SPAG9: variants seen among roughly 807,000 people sequenced by gnomAD.
SPAG9 encodes the protein sperm associated antigen 9, also known as C-Jun-amino-terminal kinase-interacting protein 4.
Under a neutral mutation model 166.5 loss-of-function variants are expected in SPAG9, and 35 were observed. The observed-to-expected ratio is 0.21, with a 90% CI of 0.16 to 0.28. The LOEUF (loss-of-function observed/expected upper bound fraction) is 0.28. SPAG9 is among the 10% of genes least tolerant of loss of function. SPAG9 has a pLI of 1.00. For missense variants in SPAG9, 1,235 were observed against 1,603.3 expected, an observed-to-expected ratio of 0.77 and a Z score of 3.92; for synonymous variants, 534 against 565.5, an observed-to-expected ratio of 0.94 and a Z score of 0.79.
chr17:50,989,890 C>T lies in SPAG9; in HGVS notation c.2618-18G>A, dbSNP rs909192228. On this transcript the variant is annotated intron_variant, in intron 20 of 29. Coordinates refer to ENST00000262013, the MANE Select transcript of SPAG9 (RefSeq NM_001130528.3). ...TTCCATTTCTACAAAGTAAATAAAA[C>T]ACTATTCCAAGTCTGGGCTTTTCTC... The T allele has an allele frequency of 5.0e-6, 8 of 1,609,610 alleles. No homozygotes were observed. In the African/African-American group the frequency reaches 1.1e-4, roughly 22 times the overall value.
chr17:51,006,120 C>A lies in SPAG9; in HGVS notation c.1389G>T (p.Glu463Asp). The A allele has an allele frequency of 6.2e-7, 1 of 1,614,180 alleles. No individual in the cohort carries two copies. The highest frequency in any genetic ancestry group is 8.5e-7 in the Non-Finnish European group (1 of 1,180,016). Residue 463 changes from glutamate (E) to aspartate (D), a missense_variant, in exon 11 of 30, where the codon GAG (glutamate) becomes GAT (aspartate). Around this residue, in one of 6 missense-constraint regions of SPAG9, gnomAD observed 125 missense variants for 194.0 expected, o/e 0.64. Transcript: ENST00000262013. Reference protein sequence around the residue: ...EAVKQAKLKLEEKNRELEEEL... With the variant: ...EAVKQAKLKLDEKNRELEEEL... ...CTTCCTCCAATTCTCTGTTCTTTTC[C>A]TCTAGTTTCAGTTTGGCTTGCTTCA...
chr17:50,992,690 A>C (rs146172381), intron 19 of SPAG9, among the ~76,000 whole-genome samples: 18 of 152,208 alleles, frequency 1.2e-4, no homozygotes, highest in African/African-American at 4.1e-4. Flanking sequence ...AAAAAAACAA[A>C]AACAAAAATG....
At chr17:51,023,868 G>A (rs937097261) in intron 6 of SPAG9, among the ~76,000 whole-genome samples, 1 of 152,170 alleles carries the variant, frequency 6.6e-6, no homozygotes, top group African/African-American at 2.4e-5. Context: ...GTTTTGCCAC[G>A]CTGCCCAGGC....
chr17:50,982,699 A>G (rs761740482), intron 24 of SPAG9, 27 bp from the exon 25 acceptor site: 7 of 1,574,498 alleles, frequency 4.4e-6, no homozygotes, highest in South Asian at 2.3e-5. Flanking sequence ...AGGTTATAGT[A>G]AATACATACC....
intron 10 of SPAG9, among the ~76,000 whole-genome samples, chr17:51,006,880 T>A (rs950759793): frequency 2.0e-5 from 3 of 151,876 alleles, no homozygotes; most frequent in African/African-American, 7.3e-5. Flanking sequence ...GAAGGCTGAG[T>A]ATACATGAAA....
intron 2 of SPAG9, among the ~76,000 whole-genome samples, chr17:51,077,013 G>GCTATCTATCTAGCTAGCTATCTAT (rs1491314541): frequency 1.6e-5 from 1 of 62,864 alleles, no homozygotes; most frequent in Admixed American, 1.7e-4. Flanking sequence ...TAGCTAGCTA[G>GCTATCTATCTAGCTAGCTATCTAT]CTAGCTATCT....
At chr17:50,997,939 CTT>C (rs989359158) in intron 15 of SPAG9, among the ~76,000 whole-genome samples, 1 of 148,792 alleles carries the variant, frequency 6.7e-6, no homozygotes, top group Non-Finnish European at 1.5e-5. Flanking sequence ...AAATCCTTCT[CTT>C]TTATAAAAAC....
At chr17:51,090,484 C>G (rs2048435756) in intron 1 of SPAG9, among the ~76,000 whole-genome samples, 1 of 152,004 alleles carries the variant, frequency 6.6e-6, no homozygotes, top group Non-Finnish European at 1.5e-5. Context: ...CCAGCCTGGG[C>G]AACAGAGCAA....
At chr17:51,005,382 A>T (rs969540648) in intron 11 of SPAG9, 119 bp from the exon 12 acceptor site, 5 of 905,176 alleles carry the variant, frequency 5.5e-6, no homozygotes, top group Non-Finnish European at 8.5e-6. Flanking sequence ...TTTCCCAAAC[A>T]GGGTATTTAG....
intron 9 of SPAG9, among the ~76,000 whole-genome samples, chr17:51,010,569 A>G (rs1008730307): frequency 5.8e-5 from 4 of 69,220 alleles, no homozygotes; most frequent in African/African-American, 1.7e-4. Context: ...GCAAGAAAAG[A>G]AAAAAAAAAA....
chr17:50,996,006 T>A (rs1258270027), intron 16 of SPAG9: 1 of 160,106 alleles, frequency 6.2e-6, no homozygotes, highest in African/African-American at 2.4e-5. Flanking sequence ...CCATTCTTAT[T>A]TGAAAAACAG....
intron 23 of SPAG9, among the ~76,000 whole-genome samples, chr17:50,985,431 CT>C (rs1185437697): frequency 1.3e-5 from 2 of 152,142 alleles, no homozygotes; most frequent in Non-Finnish European, 2.9e-5. Context: ...ATAAACATAA[CT>C]TAATAGGTAT....
chr17:50,962,447 G>T lies in SPAG9; in HGVS notation c.*3825C>A, dbSNP rs1444896058. The T allele has an allele frequency of 1.3e-5, 2 of 152,202 alleles. No homozygotes were observed. Among genetic ancestry groups the T allele is most frequent in the African/African-American group, 4.8e-5 (2 of 41,454 alleles). 9.4% of individuals were successfully genotyped at this position (152,202 alleles called of 1,614,324 possible). Reference sequence around the variant, plus strand: ...TTAAGATATATTCAAATAGAGAAATGTATGACAAAATTAATAAAACTTAAT... The same window carrying T: ...TTAAGATATATTCAAATAGAGAAATTTATGACAAAATTAATAAAACTTAAT... On this transcript the variant is annotated 3_prime_UTR_variant, in exon 30 of 30. Transcript: ENST00000262013.
intron 2 of SPAG9, among the ~76,000 whole-genome samples, chr17:51,057,316 G>T (rs957541570): frequency 6.6e-6 from 1 of 152,288 alleles, no homozygotes; most frequent in African/African-American, 2.4e-5. Flanking sequence ...GACAGTCTGG[G>T]GAGAAATAAA....
intron 1 of SPAG9, among the ~76,000 whole-genome samples, chr17:51,096,416 CA>C (rs2048649888): frequency 6.6e-6 from 1 of 151,892 alleles, no homozygotes; most frequent in East Asian, 1.9e-4. Flanking sequence ...CAACAGAAAC[CA>C]AAAAGTCTGA....
At chr17:51,064,796 G>T (rs919771807) in intron 2 of SPAG9, among the ~76,000 whole-genome samples, 15 of 152,108 alleles carry the variant, frequency 9.9e-5, no homozygotes, top group Admixed American at 9.8e-4. Flanking sequence ...CTTGAAAATT[G>T]TACTAAAAAC....
intron 2 of SPAG9, among the ~76,000 whole-genome samples, chr17:51,078,483 A>C (rs2048076559): frequency 6.6e-6 from 1 of 152,160 alleles, no homozygotes. Context: ...TTCATGAGTA[A>C]TGTGGATAGA....
intron 29 of SPAG9, among the ~76,000 whole-genome samples, chr17:50,970,437 C>CCGG (rs1973693282): frequency 6.7e-6 from 1 of 149,820 alleles, no homozygotes; most frequent in Non-Finnish European, 1.5e-5. Context: ...TCACTTGAAC[C>CCGG]TGGAGGCAGA....
chr17:51,023,225 ATT>A (rs1008281180), intron 6 of SPAG9: 1 of 147,930 alleles, frequency 6.8e-6, no homozygotes, highest in Non-Finnish European at 1.5e-5. Flanking sequence ...ATAATTATAT[ATT>A]TTTATAATTT....
Sources: gnomAD v4.1 joint callset for allele counts (sites outside exome capture counted in the v4.1 genomes callset) on GRCh38, gnomAD v4.1.1 for gene constraint, gnomAD v4.1.1 regional missense constraint, MANE v1.5 for transcripts, NCBI Gene and HGNC (gene_info 2026-07-23, HGNC 2026-07-21) for gene names.